The following ZBTB43 variants were observed in gnomAD, a reference collection of about 807,000 sequenced individuals.
The protein encoded by ZBTB43 is zinc finger and BTB domain containing 43.
A neutral mutation model predicts 31.1 loss-of-function variants in ZBTB43; 6 were observed. The observed-to-expected ratio is 0.19, with a 90% confidence interval of 0.11 to 0.38. ZBTB43 has a LOEUF of 0.38. Among genes scored for constraint, ZBTB43 ranks in the 10% least tolerant of loss-of-function variants. The pLI is 1.00. For synonymous variants in ZBTB43, 212 were observed against 221.7 expected, an observed-to-expected ratio of 0.96 and a Z score of 0.39; for missense variants, 379 against 602.1, an observed-to-expected ratio of 0.63 and a Z score of 3.88.
rs576396018 is a variant in ZBTB43 at position 126,824,255 on chromosome 9, A to T, written c.-23-8232A>T. Reference sequence around the variant, plus strand: ...TTGACCAGGCTGATCACAACTTCTGACTCAAATGATCCACCTGCCTTGGCC... The same window carrying T: ...TTGACCAGGCTGATCACAACTTCTGTCTCAAATGATCCACCTGCCTTGGCC... On this transcript the variant is annotated intron_variant, in intron 2 of 2. Coordinates refer to ENST00000373464, the MANE Select transcript of ZBTB43 (RefSeq NM_014007.4). Among the ~76,000 whole-genome samples, 7 of 152,268 alleles carry T rather than the reference A, an allele frequency of 4.6e-5. No homozygotes were observed. The South Asian group carries it at 1.5e-3, about 32-fold the overall frequency.
chr9:126,821,150 CTT>C (rs1721881098), intron 2 of ZBTB43, among the ~76,000 whole-genome samples: 1 of 151,960 alleles, frequency 6.6e-6, no homozygotes, highest in Admixed American at 6.6e-5. Flanking sequence ...GGGTGAATCG[CTT>C]GAGGTCAGGA....
intron 2 of ZBTB43, among the ~76,000 whole-genome samples, chr9:126,826,430 C>T (rs534526957): frequency 1.1e-4 from 16 of 146,704 alleles, no homozygotes; most frequent in African/African-American, 3.8e-4. Flanking sequence ...TACAGGCGTG[C>T]GCCACCACTC....
Position 126,834,799 on chromosome 9 carries a change from TGCCACA to T in ZBTB43, c.*890_*895del, listed in dbSNP as rs2032845726. ...TGTGACTGACCACGGTACCACGGGC[TGCCACA>T]GCCCCTGCTCTGTCTTAGATTATGG... On this transcript the variant is annotated 3_prime_UTR_variant, in exon 3 of 3. Coordinates refer to ENST00000373464, the MANE Select transcript of ZBTB43 (RefSeq NM_014007.4). The T allele has an allele frequency of 1.8e-5, 3 of 167,248 alleles. No homozygotes were observed. In the South Asian group the frequency reaches 6.2e-4, roughly 35 times the overall value. The allele number at this position is 167,248 out of a possible 1,614,324, so 10.4% of individuals were successfully genotyped here. A position where few individuals can be genotyped will look rare whatever the true frequency, so the allele number is the denominator to read the frequency against.
In ZBTB43 at chr9:126,820,595, T is replaced by C. The variant is rs1172929580; in HGVS notation, c.-24+11680T>C. Among the ~76,000 whole-genome samples, 9 of 152,222 alleles carry C rather than the reference T, an allele frequency of 5.9e-5. No homozygotes were observed. In the East Asian group the frequency reaches 1.7e-3, roughly 29 times the overall value. ...ATGTACAAGGACATTAGTATTGTTT[T>C]CATGCCTGTTAATACAACATCCATT... is the stretch of plus-strand genomic sequence containing the variant. On this transcript the variant is annotated intron_variant, in intron 2 of 2. Transcript: ENST00000373464.
intron 2 of ZBTB43, among the ~76,000 whole-genome samples, chr9:126,811,217 C>CA (rs370772691): frequency 0.11 from 9,176 of 86,434 alleles, 395 homozygotes; most frequent in African/African-American, 0.17. Context: ...GACTCCATCT[C>CA]AAAAAAAAAA....
chr9:126,822,103 G>A (rs933661276), intron 2 of ZBTB43, among the ~76,000 whole-genome samples: 2 of 151,330 alleles, frequency 1.3e-5, no homozygotes, highest in African/African-American at 4.9e-5. Context: ...GTGCTCGCCC[G>A]CCTGGGCCTC....
rs2032184339 is a variant in ZBTB43 at position 126,808,894 on chromosome 9, C to G, written c.-45C>G. 1 of 152,200 alleles carries G rather than the reference C, an allele frequency of 6.6e-6. No individual in the cohort carries two copies. Among genetic ancestry groups the G allele is most frequent in the Admixed American group, 6.5e-5 (1 of 15,282 alleles). The allele number at this position is 152,200 out of a possible 1,614,324, so 9.4% of individuals were successfully genotyped here. On this transcript the variant is annotated 5_prime_UTR_variant, in exon 2 of 3. Coordinates refer to ENST00000373464, the MANE Select transcript of ZBTB43 (RefSeq NM_014007.4). ...GGCCATGGCATAAGGAACTCTATCC[C>G]AGGAATACAGCTTTGCATTAGGTAA...
rs1210207172 is a variant in ZBTB43 at position 126,835,237 on chromosome 9, A to C, written c.*1324A>C. 6.0e-6 allele frequency: 1 copy of C among 167,106 alleles called. No individual in the cohort carries two copies. Among genetic ancestry groups the C allele is most frequent in the Non-Finnish European group, 1.5e-5 (1 of 68,134 alleles). The allele number at this position is 167,106 out of a possible 1,614,324, so 10.4% of individuals were successfully genotyped here. On this transcript the variant is annotated 3_prime_UTR_variant, in exon 3 of 3. Transcript: ENST00000373464. Reference sequence around the variant, plus strand: ...CCGACCAGAAAAAAAAAATTAAAAAAACAAACAAGAAAAGCAACTATTCTG... The same window carrying C: ...CCGACCAGAAAAAAAAAATTAAAAACACAAACAAGAAAAGCAACTATTCTG...
At position 126,833,071 on chromosome 9, in the gene ZBTB43, C is replaced by A; in HGVS notation, c.562C>A (p.Gln188Lys). 6.2e-7 allele frequency: 1 copy of A among 1,614,080 alleles called. No homozygotes were observed. Among genetic ancestry groups the A allele is most frequent in the Non-Finnish European group, 8.5e-7 (1 of 1,180,040 alleles). The change falls in exon 3 of 3, where the codon CAG (glutamine) becomes AAG (lysine). Residue 188 changes from glutamine to lysine, a missense_variant. Gln to Lys is a moderately conservative substitution (Grantham distance 53, BLOSUM62 1). Around this residue, in one of 5 missense-constraint regions of ZBTB43, gnomAD observed 253 missense variants for 322.3 expected, o/e 0.79. Transcript: ENST00000373464. This position sits in a 1 kb window ranked among gnomAD's most constrained non-coding sequence, Gnocchi z 7.9. The stretch of plus-strand genomic sequence containing the variant: ...GAGCACCAAAGACGAGCTGTCATCC[C>A]AGCTCACCGAGCACGAATACCTGCC... ...EESTKDELSS[Q>K]LTEHEYLPSN...
chr9:126,823,259 C>T (rs1018561082), intron 2 of ZBTB43, among the ~76,000 whole-genome samples: 9 of 152,100 alleles, frequency 5.9e-5, no homozygotes, highest in Non-Finnish European at 1.3e-4. Context: ...TCAATTTTAT[C>T]CACTTTTACT....
At chr9:126,824,141 C>T (rs980537692) in intron 2 of ZBTB43, among the ~76,000 whole-genome samples, 1 of 152,134 alleles carries the variant, frequency 6.6e-6, no homozygotes, top group East Asian at 1.9e-4. Context: ...ATTCTACTGC[C>T]TCAGCCTCCC....
intron 2 of ZBTB43, among the ~76,000 whole-genome samples, chr9:126,830,017 G>A (rs1338367853): frequency 1.3e-5 from 2 of 152,094 alleles, no homozygotes; most frequent in Non-Finnish European, 2.9e-5. Flanking sequence ...AATTATTAGT[G>A]CCTAATCTGG....
At chr9:126,813,010 T>G (rs1588353241) in intron 2 of ZBTB43, among the ~76,000 whole-genome samples, 1 of 152,002 alleles carries the variant, frequency 6.6e-6, no homozygotes, top group Non-Finnish European at 1.5e-5. Context: ...GATGTAGTTT[T>G]GCTCTTGTTG....
In ZBTB43 at chr9:126,805,051, G is replaced by A. The variant is rs1309662819; in HGVS notation, c.-228G>A. On this transcript the variant is annotated 5_prime_UTR_variant, in exon 1 of 3. Transcript: ENST00000373464. ...TGAAGGCACAGGCTGAATCTGTTGC[G>A]GCAGCTGAGGCTACAACAGGCCTGC... 2 of 152,396 alleles carry A rather than the reference G, an allele frequency of 1.3e-5. No individual in the cohort carries two copies. Among genetic ancestry groups the A allele is most frequent in the African/African-American group, 4.8e-5 (2 of 41,472 alleles). The allele number at this position is 152,396 out of a possible 1,614,324, so 9.4% of individuals were successfully genotyped here.
chr9:126,809,253 T>G (rs2032191625), intron 2 of ZBTB43, among the ~76,000 whole-genome samples: 1 of 152,178 alleles, frequency 6.6e-6, no homozygotes, highest in Admixed American at 6.5e-5. Context: ...TGAGCTTCAG[T>G]TTACTCATAT....
chr9:126,833,883 G>T lies in ZBTB43; in HGVS notation c.1374G>T (p.Lys458Asn). 6.3e-7 allele frequency: 1 copy of T among 1,589,698 alleles called. No homozygotes were observed. The change falls in exon 3 of 3, where the codon AAG (lysine) becomes AAT (asparagine). Residue 458 changes from lysine (K) to asparagine (N), a missense_variant. Coordinates refer to ENST00000373464, the MANE Select transcript of ZBTB43 (RefSeq NM_014007.4). This position sits in a 1 kb window ranked among gnomAD's most constrained non-coding sequence, Gnocchi z 7.9. ...GTACTAAGTCCTACGAAGCTGCAAAGGCTGAGCAGAATACAACTGAGGCTA... is the reference window on the plus strand; with the variant it reads ...GTACTAAGTCCTACGAAGCTGCAAATGCTGAGCAGAATACAACTGAGGCTA... ...TSCTKSYEAA[K>N]AEQNTTEAN
chr9:126,825,840 ATAT>A (rs1475624294), intron 2 of ZBTB43, among the ~76,000 whole-genome samples: 15 of 106,168 alleles, frequency 1.4e-4, no homozygotes, highest in African/African-American at 5.9e-4. Flanking sequence ...GTTCCTTTTT[ATAT>A]TTTTTTTTTT....
At chr9:126,824,028 T>C (rs2032573295) in intron 2 of ZBTB43, among the ~76,000 whole-genome samples, 1 of 152,036 alleles carries the variant, frequency 6.6e-6, no homozygotes, top group South Asian at 2.1e-4. Flanking sequence ...AGTACAACAA[T>C]GATGGCTTTT....
intron 2 of ZBTB43, among the ~76,000 whole-genome samples, chr9:126,810,350 A>G (rs1257922088): frequency 1.3e-5 from 2 of 151,996 alleles, no homozygotes; most frequent in East Asian, 3.9e-4. Context: ...ATCTGTCAGC[A>G]TGCCCAGCTA....
Sources: gnomAD v4.1 joint callset for allele counts (sites outside exome capture counted in the v4.1 genomes callset) on GRCh38, gnomAD v4.1.1 for gene constraint, gnomAD v4.1.1 regional missense constraint, Gnocchi (gnomAD v3.1) non-coding constraint, MANE v1.5 for transcripts, NCBI Gene and HGNC (gene_info 2026-07-23, HGNC 2026-07-21) for gene names.